Variants in GAR1 observed in about 807,000 individuals in gnomAD.
GAR1 encodes the protein H/ACA ribonucleoprotein complex subunit 1.
GAR1 carries 11 observed loss-of-function variants against 29.3 expected under a neutral mutation model. The observed-to-expected ratio is 0.38, with a 90% confidence interval of 0.24 to 0.62. GAR1 has a LOEUF of 0.62. Ranked by LOEUF, GAR1 falls within the 20% of genes least tolerant of loss-of-function variation. GAR1 has a pLI of 0.62. For missense variants in GAR1, 237 were observed against 268.4 expected, an observed-to-expected ratio of 0.88 and a Z score of 0.82; for synonymous variants, 87 against 93.3, an observed-to-expected ratio of 0.93 and a Z score of 0.39.
Position 109,816,243 on chromosome 4 carries a change from A to C in GAR1, c.79A>C (p.Asn27His). 1 of 1,609,722 alleles carries C rather than the reference A, an allele frequency of 6.2e-7. No homozygotes were observed. The highest frequency in any genetic ancestry group is 8.5e-7 in the Non-Finnish European group (1 of 1,177,600). ...GGGFNRGGSS[N>H]HFRGGGGGGG... Reference sequence around the variant, plus strand: ...CGGCTTCAACCGAGGTGGCAGCAGCAACCACTTCCGAGGTGGAGGCGGCGG... The same window carrying C: ...CGGCTTCAACCGAGGTGGCAGCAGCCACCACTTCCGAGGTGGAGGCGGCGG... The change falls in exon 2 of 7, where the codon AAC becomes CAC. Residue 27 changes from asparagine to histidine, a missense_variant. Asn to His is a moderately conservative substitution (Grantham distance 68). Transcript: ENST00000226796.
At position 109,815,795 on chromosome 4, in the gene GAR1, C is replaced by A; in HGVS notation, c.-22C>A. 1 of 265,998 alleles carries A rather than the reference C, an allele frequency of 3.8e-6. No individual in the cohort carries two copies. The highest frequency in any genetic ancestry group is 7.2e-6 in the Non-Finnish European group (1 of 139,024). The allele number at this position is 265,998 out of a possible 1,614,324, so 16.5% of individuals were successfully genotyped here. A position where few individuals can be genotyped will look rare whatever the true frequency, so the allele number is the denominator to read the frequency against. On this transcript the variant is annotated 5_prime_UTR_variant, in exon 1 of 7. Transcript: ENST00000226796. ...GCGCAAGGCCAGGGCCAGAGGGGCA[C>A]GTGGCGCCGGTGAGTGGCCGTAGAA...
At chr4:109,821,912 C>A (rs1448586763) in intron 4 of GAR1, among the ~76,000 whole-genome samples, 1 of 151,854 alleles carries the variant, frequency 6.6e-6, no homozygotes, top group Admixed American at 6.6e-5. Flanking sequence ...CCAAACACCA[C>A]ATGTTCTCAC....
intron 2 of GAR1, 130 bp from the exon 3 acceptor site, chr4:109,817,806 G>C: frequency 1.5e-6 from 1 of 667,658 alleles, no homozygotes; most frequent in Non-Finnish European, 2.6e-6. Context: ...TCCTAAGACT[G>C]TGGTCTTCTG....
chr4:109,815,960 G>A, intron 1 of GAR1, 156 bp downstream of exon 1: 1 of 641,096 alleles, frequency 1.6e-6, no homozygotes, highest in Non-Finnish European at 2.8e-6. Context: ...TGTGTGGTCG[G>A]TCGGCGCTCA....
intron 4 of GAR1, among the ~76,000 whole-genome samples, chr4:109,822,034 C>A (rs1733526858): frequency 1.3e-5 from 2 of 151,542 alleles, no homozygotes; most frequent in South Asian, 4.2e-4. Context: ...AGGGCAAATA[C>A]CCGATGCATA....
intron 6 of GAR1, 63 bp from the exon 7 acceptor site, chr4:109,824,355 G>T: frequency 9.1e-7 from 1 of 1,097,904 alleles, no homozygotes; most frequent in Admixed American, 1.7e-5. Flanking sequence ...TTGAGATTTA[G>T]GTTATAATAC....
intron 1 of GAR1, 112 bp from the exon 2 acceptor site, chr4:109,816,041 T>C: frequency 9.9e-7 from 1 of 1,005,236 alleles, no homozygotes; most frequent in South Asian, 1.3e-5. Context: ...GTGGGTGAGG[T>C]GACAGGGCTG....
chr4:109,822,345 AG>A lies in GAR1; in HGVS notation c.430-1del. 1 of 1,536,656 alleles carries A rather than the reference AG, an allele frequency of 6.5e-7. No homozygotes were observed. Among genetic ancestry groups the A allele is most frequent in the Non-Finnish European group, 8.9e-7 (1 of 1,129,308 alleles). ...TACTAATTGCTTCTATTATGTTTCCAGTTTTATATAGACCCATATAAGCTGC... is the reference window on the plus strand; with the variant it reads ...TACTAATTGCTTCTATTATGTTTCCATTTTATATAGACCCATATAAGCTGC... On this transcript the variant is annotated splice_acceptor_variant, in intron 4 of 6. Transcript: ENST00000226796. LOFTEE classifies it high-confidence loss of function.
In GAR1 at chr4:109,819,010, G is replaced by T. The variant is rs1175955825; in HGVS notation, c.379G>T (p.Val127Phe). The T allele has an allele frequency of 2.2e-6, 3 of 1,367,648 alleles. No individual in the cohort carries two copies. In the Admixed American group the frequency reaches 5.7e-5, roughly 26 times the overall value. 84.7% of individuals were successfully genotyped at this position (1,367,648 alleles called of 1,614,324 possible). A position where few individuals can be genotyped will look rare whatever the true frequency, so the allele number is the denominator to read the frequency against. Residue 127 changes from valine to phenylalanine, a missense_variant, in exon 4 of 7, where the codon GTT becomes TTT. Physicochemically the swap from Val to Phe is conservative, Grantham distance 50. Transcript: ENST00000226796. ...TTAATGAAAATAATAGTATTTTTCA[G>T]TTAAGTTGTCAGAAAACATGAAGGC... ...FGQLRDFYFS[V>F]KLSENMKASS...
intron 2 of GAR1, among the ~76,000 whole-genome samples, chr4:109,817,134 C>A (rs768302704): frequency 3.9e-4 from 60 of 152,024 alleles, no homozygotes; most frequent in Non-Finnish European, 7.8e-4. Flanking sequence ...TAAAAGGTCC[C>A]AGCCCACAAG....
At chr4:109,816,404 ATTT>A (rs1560578861) in intron 2 of GAR1, 26 bp downstream of exon 2, 1 of 1,600,842 alleles carries the variant, frequency 6.2e-7, no homozygotes, top group South Asian at 1.1e-5. Flanking sequence ...TATTTAGCTT[ATTT>A]GAAGGAGTAG....
chr4:109,820,746 C>G (rs1179286270), intron 4 of GAR1, among the ~76,000 whole-genome samples: 1 of 151,938 alleles, frequency 6.6e-6, no homozygotes, highest in Non-Finnish European at 1.5e-5. Flanking sequence ...GCCCGGGAGC[C>G]AGAATGGATT....
chr4:109,820,005 A>G (rs1733468811), intron 4 of GAR1, among the ~76,000 whole-genome samples: 1 of 152,210 alleles, frequency 6.6e-6, no homozygotes, highest in South Asian at 2.1e-4. Context: ...TAATGGGATA[A>G]CACAGTTAAA....
intron 4 of GAR1, among the ~76,000 whole-genome samples, chr4:109,820,443 T>G (rs1459264369): frequency 1.3e-5 from 2 of 152,054 alleles, no homozygotes; most frequent in South Asian, 2.1e-4. Context: ...GGGAATTTGT[T>G]AAGTATACAG....
rs556214974 is a variant in GAR1 at position 109,824,683 on chromosome 4, A to T, written c.*252A>T. ...TGTGGGTGCTCAATAAATGGATAGG[A>T]GTTTTCATTTGAAGCATATTTGAAT... On this transcript the variant is annotated 3_prime_UTR_variant, in exon 7 of 7. Transcript: ENST00000226796. The T allele has an allele frequency of 1.0e-4, 40 of 384,210 alleles. No homozygotes were observed. The highest frequency in any genetic ancestry group is 7.3e-4 in the African/African-American group (35 of 48,088). The allele number at this position is 384,210 out of a possible 1,614,324, so 23.8% of individuals were successfully genotyped here.
chr4:109,824,103 T>A, intron 6 of GAR1, 70 bp downstream of exon 6: 1 of 1,048,624 alleles, frequency 9.5e-7, no homozygotes, highest in Non-Finnish European at 1.5e-6. Flanking sequence ...TTTCTGTTTT[T>A]ACTTAAGTTT....
Position 109,824,044 on chromosome 4 carries a change from T to A in GAR1, c.640+11T>A, listed in dbSNP as rs1323570978. 2.6e-6 allele frequency: 4 copies of A among 1,549,116 alleles called. No homozygotes were observed. Among genetic ancestry groups the A allele is most frequent in the Non-Finnish European group, 3.6e-6 (4 of 1,125,664 alleles). ...GTGGTGGTTTCAGAGGTGAGTATTTTAAAAAGTCTTTAAATTGCTTAATGT... is the reference window on the plus strand; with the variant it reads ...GTGGTGGTTTCAGAGGTGAGTATTTAAAAAAGTCTTTAAATTGCTTAATGT... On this transcript the variant is annotated intron_variant, in intron 6 of 6. Transcript: ENST00000226796.
intron 4 of GAR1, among the ~76,000 whole-genome samples, chr4:109,820,314 A>G (rs1457566894): frequency 6.6e-6 from 1 of 152,144 alleles, no homozygotes; most frequent in Admixed American, 6.5e-5. Context: ...ATGGGCAACA[A>G]TGCAGAGGAG....
chr4:109,815,583 T>C (rs1158960079), upstream of GAR1: 4 of 158,712 alleles, frequency 2.5e-5, no homozygotes. Flanking sequence ...GTGGTTAAGG[T>C]TATCTATTAT....
Sources: gnomAD v4.1 joint callset for allele counts (sites outside exome capture counted in the v4.1 genomes callset) on GRCh38, gnomAD v4.1.1 for gene constraint, MANE v1.5 for transcripts, NCBI Gene and HGNC (gene_info 2026-07-23, HGNC 2026-07-21) for gene names.